The following SSBP3 variants were observed in gnomAD, a reference collection of about 807,000 sequenced individuals.
SSBP3 encodes the protein single stranded DNA binding protein 3.
A neutral mutation model predicts 69.6 loss-of-function variants in SSBP3; 5 were observed. That is an observed-to-expected ratio of 0.07 (90% CI 0.04 to 0.15). The LOEUF is 0.15. Among genes scored for constraint, SSBP3 ranks in the 10% least tolerant of loss-of-function variants. SSBP3 has a pLI of 1.00. For missense variants in SSBP3, 312 were observed against 534.0 expected (o/e 0.58, Z 4.10); for synonymous variants, 196 against 193.4 (o/e 1.01, Z -0.11).
chr1:54,396,645 C>A (rs1648907934), intron 4 of SSBP3, among the ~76,000 whole-genome samples: 1 of 152,184 alleles, frequency 6.6e-6, no homozygotes, highest in African/African-American at 2.4e-5. Flanking sequence ...TATCTCCCAG[C>A]TCCCTCTGAG....
chr1:54,314,270 A>T (rs956509544), intron 4 of SSBP3, among the ~76,000 whole-genome samples: 1 of 152,226 alleles, frequency 6.6e-6, no homozygotes, highest in Non-Finnish European at 1.5e-5. Flanking sequence ...CTGACAAGAC[A>T]CACCAAGGAA....
intron 4 of SSBP3, among the ~76,000 whole-genome samples, chr1:54,349,651 G>C (rs376525020): frequency 6.6e-6 from 1 of 151,410 alleles, no homozygotes; most frequent in African/African-American, 2.4e-5. Flanking sequence ...CCTTAGTTTC[G>C]CTCATGAAAT....
At chr1:54,293,875 G>A (rs1211604968) in intron 4 of SSBP3, among the ~76,000 whole-genome samples, 4 of 152,038 alleles carry the variant, frequency 2.6e-5, no homozygotes, top group South Asian at 2.1e-4. Context: ...GGTGGCTCTC[G>A]CCTGTAATCC....
intron 15 of SSBP3, 66 bp downstream of exon 15, chr1:54,228,682 A>AGGAGCTGAGGCAC: frequency 2.6e-6 from 4 of 1,529,588 alleles, no homozygotes; most frequent in Non-Finnish European, 2.7e-6. Context: ...CAGCTGAGCC[A>AGGAGCTGAGGCAC]GGAGCTGAGG....
intron 9 of SSBP3, among the ~76,000 whole-genome samples, chr1:54,246,646 G>A (rs147856097): frequency 4.5e-4 from 69 of 152,298 alleles, no homozygotes; most frequent in Middle Eastern, 3.4e-3. Flanking sequence ...TCCAAGAACC[G>A]GCATGGCAGC....
At chr1:54,311,299 T>TG (rs1645997541) in intron 4 of SSBP3, among the ~76,000 whole-genome samples, 1 of 152,028 alleles carries the variant, frequency 6.6e-6, no homozygotes, top group Non-Finnish European at 1.5e-5. Context: ...AGGGCTGAGA[T>TG]GGAGTGTTCC....
At chr1:54,405,216 G>A (rs1649633107) in intron 1 of SSBP3, among the ~76,000 whole-genome samples, 1 of 152,138 alleles carries the variant, frequency 6.6e-6, no homozygotes, top group African/African-American at 2.4e-5. Flanking sequence ...CCTCAAACTC[G>A]CAAGCCACTC....
At chr1:54,395,902 C>T (rs1051235153) in intron 4 of SSBP3, among the ~76,000 whole-genome samples, 1 of 151,982 alleles carries the variant, frequency 6.6e-6, no homozygotes, top group African/African-American at 2.4e-5. Flanking sequence ...TACAAAAAAC[C>T]CCGTTACCGG....
At chr1:54,369,955 A>T (rs1647101122) in intron 4 of SSBP3, among the ~76,000 whole-genome samples, 1 of 152,112 alleles carries the variant, frequency 6.6e-6, no homozygotes, top group Non-Finnish European at 1.5e-5. Context: ...TCCTTGCAAC[A>T]TCCCAAGAGA....
At chr1:54,379,975 T>C (rs988308999) in intron 4 of SSBP3, among the ~76,000 whole-genome samples, 6 of 152,164 alleles carry the variant, frequency 3.9e-5, no homozygotes, top group Non-Finnish European at 7.4e-5. Context: ...ACTCCTGGTC[T>C]CACAGTGGGG....
upstream of SSBP3, among the ~76,000 whole-genome samples, chr1:54,410,054 T>C (rs926636): frequency 0.46 from 69,678 of 151,994 alleles, 17,723 homozygotes; most frequent in Admixed American, 0.58. Flanking sequence ...GGTTCAGGGG[T>C]GCATTTTCCC....
At chr1:54,296,898 G>A (rs569277936) in intron 4 of SSBP3, among the ~76,000 whole-genome samples, 79 of 152,242 alleles carry the variant, frequency 5.2e-4, no homozygotes, top group African/African-American at 1.9e-3. Context: ...TCTGTCCCAG[G>A]AACAATAATA....
At chr1:54,261,831 G>T (rs755289051) in intron 5 of SSBP3, among the ~76,000 whole-genome samples, 13 of 152,124 alleles carry the variant, frequency 8.5e-5, no homozygotes, top group Non-Finnish European at 1.9e-4. Flanking sequence ...GGTGGCTGGG[G>T]GTCCTTACTA....
upstream of SSBP3, among the ~76,000 whole-genome samples, chr1:54,407,585 C>T (rs1430246118): frequency 6.6e-6 from 1 of 151,908 alleles, no homozygotes; most frequent in African/African-American, 2.4e-5. Flanking sequence ...GGAAGGCTCC[C>T]CCATTTTCAG....
At chr1:54,270,638 G>A (rs945035649) in intron 5 of SSBP3, among the ~76,000 whole-genome samples, 1 of 152,184 alleles carries the variant, frequency 6.6e-6, no homozygotes, top group African/African-American at 2.4e-5. Context: ...GAAACCCTGA[G>A]GCAGCTCTTG....
intron 4 of SSBP3, among the ~76,000 whole-genome samples, chr1:54,393,826 CT>C (rs1401711436): frequency 6.6e-6 from 1 of 152,068 alleles, no homozygotes; most frequent in Non-Finnish European, 1.5e-5. Flanking sequence ...GTGATGCAAC[CT>C]TGGCTCACTG....
intron 4 of SSBP3, among the ~76,000 whole-genome samples, chr1:54,286,017 G>A (rs568751504): frequency 6.6e-6 from 1 of 152,256 alleles, no homozygotes; most frequent in South Asian, 2.1e-4. Flanking sequence ...AGGGGAGCTA[G>A]GTCTGGAAAC....
chr1:54,379,874 A>G lies in SSBP3; in HGVS notation c.276+21987T>C, dbSNP rs553115587. On this transcript the variant is annotated intron_variant, in intron 4 of 17. Transcript: ENST00000610401. ...CTTCCTGCAAGAACACGGCGCATCA[A>G]GTCCTTCCCACCCGCCGTTCTAAAA... 6.0e-4 allele frequency among the ~76,000 whole-genome samples: 92 copies of G among 152,308 alleles called. 1 individual carries two copies. Among genetic ancestry groups the G allele is most frequent in the Admixed American group, 9.8e-4 (15 of 15,298 alleles).
intron 5 of SSBP3, among the ~76,000 whole-genome samples, chr1:54,280,730 G>A (rs145944302): frequency 0.015 from 2,283 of 152,310 alleles, 13 homozygotes; most frequent in Middle Eastern, 0.034. Flanking sequence ...AGGAGGCGGC[G>A]CAGAGAGGGT....
Sources: gnomAD v4.1 joint callset for allele counts (sites outside exome capture counted in the v4.1 genomes callset) on GRCh38, gnomAD v4.1.1 for gene constraint, MANE v1.5 for transcripts, NCBI Gene and HGNC (gene_info 2026-07-23, HGNC 2026-07-21) for gene names.